Variants in SESN3 observed in about 807,000 individuals in gnomAD.
SESN3 encodes sestrin 3, also known as sestrin-3.
SESN3 carries 21 observed loss-of-function variants against 55.3 expected under a neutral mutation model. The observed-to-expected ratio is 0.38, with a 90% CI of 0.27 to 0.55. SESN3 has a LOEUF of 0.55. SESN3 is among the 20% of genes least tolerant of loss of function. SESN3 has a pLI of 0.76. For missense variants in SESN3, 408 were observed against 604.3 expected, an observed-to-expected ratio of 0.68 and a Z score of 3.41; for synonymous variants, 181 against 203.1, an observed-to-expected ratio of 0.89 and a Z score of 0.93.
intron 1 of SESN3, among the ~76,000 whole-genome samples, chr11:95,206,044 C>T (rs1860540305): frequency 6.6e-6 from 1 of 152,044 alleles, no homozygotes; most frequent in Non-Finnish European, 1.5e-5. Context: ...TTCCTAAATT[C>T]TGTATATTGA....
chr11:95,178,846 CAAT>C lies in SESN3; in HGVS notation c.938-21_938-19del, dbSNP rs1565462957. On this transcript the variant is annotated intron_variant, in intron 6 of 9. Coordinates refer to ENST00000536441, the MANE Select transcript of SESN3 (RefSeq NM_144665.4). ...CTCAAAATCTAAGGACAATAATGAACAATCTAGTGTTAAGGATACTGTACGTGG... is the reference window on the plus strand; with the variant it reads ...CTCAAAATCTAAGGACAATAATGAACCTAGTGTTAAGGATACTGTACGTGG... The C allele has an allele frequency of 1.7e-5, 23 of 1,386,298 alleles. No homozygotes were observed. The highest frequency in any genetic ancestry group is 2.4e-5 in the Non-Finnish European group (23 of 973,238). The allele number at this position is 1,386,298 out of a possible 1,614,324, so 85.9% of individuals were successfully genotyped here.
intron 1 of SESN3, chr11:95,204,891 G>A (rs1335625262): frequency 6.6e-6 from 1 of 152,172 alleles, no homozygotes; most frequent in Non-Finnish European, 1.5e-5. Context: ...AAGCACAAGT[G>A]CTGACTTCAA....
chr11:95,166,769 A>T lies in SESN3; in HGVS notation c.*6486T>A, dbSNP rs1390460710. The T allele has an allele frequency of 6.6e-6, 1 of 152,242 alleles. No individual in the cohort carries two copies. Among genetic ancestry groups the T allele is most frequent in the Non-Finnish European group, 1.5e-5 (1 of 68,040 alleles). The allele number at this position is 152,242 out of a possible 1,614,324, so 9.4% of individuals were successfully genotyped here. A position where few individuals can be genotyped will look rare whatever the true frequency, so the allele number is the denominator to read the frequency against. ...TACTAGTAGCACTGAGAAGATGCCA[A>T]ACTGGCTGTGGTTTGCTTTCTATGT... On this transcript the variant is annotated 3_prime_UTR_variant, in exon 10 of 10. Transcript: ENST00000536441.
At chr11:95,204,355 G>C (rs1333617806) in intron 1 of SESN3, among the ~76,000 whole-genome samples, 1 of 152,016 alleles carries the variant, frequency 6.6e-6, no homozygotes, top group Admixed American at 6.6e-5. Context: ...TATAATACAA[G>C]TTAATGAAAA....
intron 8 of SESN3, 118 bp downstream of exon 8, chr11:95,177,601 G>A: frequency 1.6e-6 from 1 of 620,886 alleles, no homozygotes; most frequent in Non-Finnish European, 2.7e-6. Flanking sequence ...TTTAAAATCA[G>A]AAGTCTACAT....
rs202245724 is a variant in SESN3 at position 95,177,763 on chromosome 11, C to A, written c.1203G>T (p.Leu401=). ...GAACATAGTTAAATAAAGCTCTGCG[C>A]AGCATGGTTGTGTCAACATCCTCAT... ...ATHEDVDTTM[L]RRALFNYVHC... Residue 401 remains leucine, a synonymous_variant, in exon 8 of 10, where the codon CTG becomes CTT. Transcript: ENST00000536441. 64 of 1,612,514 alleles carry A rather than the reference C, an allele frequency of 4.0e-5. No individual in the cohort carries two copies. The highest frequency in any genetic ancestry group is 3.7e-4 in the Admixed American group (22 of 59,744).
intron 1 of SESN3, among the ~76,000 whole-genome samples, chr11:95,228,682 C>T (rs1287678263): frequency 1.3e-5 from 2 of 152,196 alleles, no homozygotes; most frequent in Non-Finnish European, 2.9e-5. Context: ...CATGTTATAA[C>T]TGGCTCAAAG....
At chr11:95,173,949 T>A (rs1859904248) in intron 9 of SESN3, among the ~76,000 whole-genome samples, 1 of 152,122 alleles carries the variant, frequency 6.6e-6, no homozygotes, top group Non-Finnish European at 1.5e-5. Flanking sequence ...AAAAATATGT[T>A]TTAATATTAT....
At chr11:95,197,536 C>G (rs1860385050) in intron 1 of SESN3, among the ~76,000 whole-genome samples, 1 of 151,844 alleles carries the variant, frequency 6.6e-6, no homozygotes, top group Admixed American at 6.6e-5. Context: ...CCTCTGCCTC[C>G]CGGGCTCAAG....
chr11:95,199,943 A>G (rs1312712875), intron 1 of SESN3, among the ~76,000 whole-genome samples: 2 of 152,064 alleles, frequency 1.3e-5, no homozygotes, highest in African/African-American at 4.8e-5. Flanking sequence ...ATTTTTAAAG[A>G]TATCCTTAGA....
At chr11:95,220,122 A>G (rs548920816) in intron 1 of SESN3, among the ~76,000 whole-genome samples, 9 of 152,306 alleles carry the variant, frequency 5.9e-5, no homozygotes. Flanking sequence ...GGATGTAGGT[A>G]GGGGAATGAT....
At chr11:95,182,467 T>G (rs999365263) in intron 6 of SESN3, among the ~76,000 whole-genome samples, 1 of 152,162 alleles carries the variant, frequency 6.6e-6, no homozygotes, top group African/African-American at 2.4e-5. Context: ...CCATCTCTTC[T>G]ACCCTTTGTA....
chr11:95,212,001 C>T (rs1860664019), intron 1 of SESN3, among the ~76,000 whole-genome samples: 1 of 152,128 alleles, frequency 6.6e-6, no homozygotes, highest in Non-Finnish European at 1.5e-5. Context: ...AGTAAAGCCA[C>T]TTAAGTAAAA....
chr11:95,229,344 A>AT (rs1861007131), intron 1 of SESN3, among the ~76,000 whole-genome samples: 1 of 152,220 alleles, frequency 6.6e-6, no homozygotes, highest in African/African-American at 2.4e-5. Context: ...ATCAACTGTA[A>AT]TTTGATCCTA....
intron 2 of SESN3, among the ~76,000 whole-genome samples, chr11:95,193,002 C>T (rs1357650584): frequency 6.6e-6 from 1 of 152,010 alleles, no homozygotes; most frequent in Non-Finnish European, 1.5e-5. Flanking sequence ...AATGACTATG[C>T]TTCAGGAAGT....
chr11:95,208,461 G>C (rs1218488596), intron 1 of SESN3, among the ~76,000 whole-genome samples: 1 of 151,412 alleles, frequency 6.6e-6, no homozygotes, highest in Non-Finnish European at 1.5e-5. Context: ...ATGATCATCA[G>C]TGTGCGAAAT....
intron 4 of SESN3, among the ~76,000 whole-genome samples, chr11:95,189,169 G>A (rs953034762): frequency 6.6e-6 from 1 of 151,880 alleles, no homozygotes; most frequent in African/African-American, 2.4e-5. Flanking sequence ...CAAGAATAGT[G>A]CTAAGCATAT....
At chr11:95,224,558 G>A (rs1368755752) in intron 1 of SESN3, 5 of 385,020 alleles carry the variant, frequency 1.3e-5, no homozygotes, top group Admixed American at 3.8e-5. Flanking sequence ...GGCTCAATGA[G>A]TTATGTAAAT....
chr11:95,191,861 T>C (rs1860275543), intron 2 of SESN3, among the ~76,000 whole-genome samples: 1 of 152,054 alleles, frequency 6.6e-6, no homozygotes, highest in Admixed American at 6.6e-5. Context: ...GAAAAGAAGC[T>C]TCCATCTGTT....
Sources: allele counts gnomAD v4.1 joint callset (sites outside exome capture counted in the v4.1 genomes callset), GRCh38; gene constraint gnomAD v4.1.1; transcripts MANE v1.5; gene names NCBI Gene and HGNC (gene_info 2026-07-23, HGNC 2026-07-21).